Variants in TANC2 observed in about 807,000 individuals in gnomAD.
The protein encoded by TANC2 is tetratricopeptide repeat, ankyrin repeat and coiled-coil containing 2.
A neutral mutation model predicts 210.5 loss-of-function variants in TANC2; 26 were observed. The ratio of observed to expected loss-of-function variants is 0.12; its 90% CI spans 0.09 to 0.17. The LOEUF (loss-of-function observed/expected upper bound fraction) is 0.17, where lower values mean the gene tolerates loss of function less well. TANC2 is among the 10% of genes least tolerant of loss of function. The probability of loss-of-function intolerance (pLI) is 1.00; values close to 1 mark genes in which losing one functional copy is unlikely to be tolerated. For missense variants in TANC2, 2,129 were observed against 2,608.9 expected, an observed-to-expected ratio of 0.82 and a Z score of 4.01; for synonymous variants, 931 against 967.1, an observed-to-expected ratio of 0.96 and a Z score of 0.69.
intron 8 of TANC2, among the ~76,000 whole-genome samples, chr17:63,248,726 G>A (rs989639734): frequency 1.3e-5 from 2 of 152,056 alleles, no homozygotes; most frequent in African/African-American, 2.4e-5. Flanking sequence ...CTACTGGATT[G>A]AACTGTAATG....
At chr17:63,200,998 TC>T in intron 7 of TANC2, 41 bp downstream of exon 7, 1 of 1,543,702 alleles carries the variant, frequency 6.5e-7, no homozygotes, top group Non-Finnish European at 8.8e-7. Context: ...GTCCTTTTTT[TC>T]CTTTTTAAAA....
At chr17:63,339,632 C>T (rs185743256) in intron 11 of TANC2, among the ~76,000 whole-genome samples, 27 of 152,280 alleles carry the variant, frequency 1.8e-4, no homozygotes, top group Admixed American at 7.8e-4. Context: ...GTTTATAACA[C>T]ACCTGTAATC....
chr17:63,347,480 A>G lies in TANC2; in HGVS notation c.1808-3770A>G, dbSNP rs184094577. ...TTAAGATCTTTGTAATTCACTATAT[A>G]TAAATTTTGTTGCAATAATTTTTAA... On this transcript the variant is annotated intron_variant, in intron 12 of 27. Transcript: ENST00000689528. Among the ~76,000 whole-genome samples, 4 of 152,364 alleles carry G rather than the reference A, an allele frequency of 2.6e-5. No homozygotes were observed. The East Asian group carries it at 5.8e-4, about 22-fold the overall frequency.
At chr17:63,288,865 C>T (rs1411926108) in intron 9 of TANC2, among the ~76,000 whole-genome samples, 1 of 152,068 alleles carries the variant, frequency 6.6e-6, no homozygotes, top group Non-Finnish European at 1.5e-5. Flanking sequence ...CTTAACATTT[C>T]TTGCAAGGCA....
intron 3 of TANC2, among the ~76,000 whole-genome samples, chr17:63,078,285 T>C (rs1255226050): frequency 6.6e-6 from 1 of 152,160 alleles, no homozygotes; most frequent in Non-Finnish European, 1.5e-5. Context: ...TCATTTCTGA[T>C]ACTGGTAATT....
At chr17:63,044,235 T>A (rs2035295625) in intron 2 of TANC2, among the ~76,000 whole-genome samples, 1 of 152,174 alleles carries the variant, frequency 6.6e-6, no homozygotes, top group African/African-American at 2.4e-5. Flanking sequence ...CAGACAGATT[T>A]AGAATTTGAT....
chr17:63,063,782 T>C (rs1447256465), intron 2 of TANC2, among the ~76,000 whole-genome samples: 2 of 152,196 alleles, frequency 1.3e-5, no homozygotes, highest in South Asian at 2.1e-4. Flanking sequence ...CTCTCTGTTA[T>C]TGTTCTGATG....
chr17:63,071,981 G>T (rs2036413110), intron 2 of TANC2, among the ~76,000 whole-genome samples: 1 of 152,112 alleles, frequency 6.6e-6, no homozygotes, highest in African/African-American at 2.4e-5. Flanking sequence ...GTCACCATGA[G>T]TTTCAGTGTT....
intron 2 of TANC2, among the ~76,000 whole-genome samples, chr17:63,021,794 TA>T (rs2034358815): frequency 6.6e-6 from 1 of 152,210 alleles, no homozygotes; most frequent in Non-Finnish European, 1.5e-5. Flanking sequence ...AACAGAGCGT[TA>T]AGGGTAATTC....
At chr17:63,194,059 C>T in exon 6 of TANC2, 1 of 1,613,270 alleles carries the variant, frequency 6.2e-7, no homozygotes, top group Non-Finnish European at 8.5e-7. Flanking sequence ...CATGACTCGT[C>T]TGGGTTTCCT....
intron 7 of TANC2, among the ~76,000 whole-genome samples, chr17:63,204,605 A>AAAAG (rs150072382): frequency 1.3e-5 from 2 of 151,958 alleles, no homozygotes; most frequent in African/African-American, 2.4e-5. Flanking sequence ...TTCTAAAAAA[A>AAAAG]AAAGAAAGAA....
At chr17:63,406,718 G>C (rs753051660) in intron 21 of TANC2, among the ~76,000 whole-genome samples, 2 of 152,216 alleles carry the variant, frequency 1.3e-5, no homozygotes, top group Non-Finnish European at 2.9e-5. Context: ...TTACCCTGTA[G>C]TAATAAATTC....
chr17:63,117,597 C>T (rs976873918), intron 4 of TANC2, among the ~76,000 whole-genome samples: 16 of 152,176 alleles, frequency 1.1e-4, no homozygotes, highest in African/African-American at 3.4e-4. Context: ...TCACCTGTAA[C>T]GCACAGTAAG....
At chr17:63,393,981 A>G (rs1014351799) in intron 17 of TANC2, among the ~76,000 whole-genome samples, 1 of 152,040 alleles carries the variant, frequency 6.6e-6, no homozygotes, top group Admixed American at 6.5e-5. Flanking sequence ...CATGTTGGCC[A>G]GGCTGGTCTC....
At chr17:63,062,276 T>C (rs2036023000) in intron 2 of TANC2, among the ~76,000 whole-genome samples, 2 of 152,216 alleles carry the variant, frequency 1.3e-5, no homozygotes, top group Non-Finnish European at 2.9e-5. Flanking sequence ...GCTTTCTCTT[T>C]TGTTGTTTTT....
At position 63,314,457 on chromosome 17, in the gene TANC2, C is replaced by T. The variant is rs1308322956; in HGVS notation, c.1229C>T (p.Thr410Ile). ...CTGCTCTTTGAAGTGCCCAGCATCA[C>T]TACAGAGTCAGTGTTTGTTGGCCGA... Residue 410 changes from threonine to isoleucine, a missense_variant, in exon 10 of 28, where the codon ACT (threonine) becomes ATT (isoleucine). Thr to Ile is a moderately conservative substitution (Grantham distance 89). Coordinates refer to ENST00000689528, the Ensembl canonical transcript of TANC2. 6.2e-7 allele frequency: 1 copy of T among 1,613,942 alleles called. No homozygotes were observed. The highest frequency in any genetic ancestry group is 8.5e-7 in the Non-Finnish European group (1 of 1,179,862).
At chr17:63,353,971 T>C (rs2046702778) in intron 13 of TANC2, among the ~76,000 whole-genome samples, 1 of 151,912 alleles carries the variant, frequency 6.6e-6, no homozygotes. Flanking sequence ...AGGAAAGAAT[T>C]ATAGATAGCG....
Position 63,285,637 on chromosome 17 carries a change from A to AT in TANC2, c.1159+17766dup, listed in dbSNP as rs1350061028. ...GCCACATGGTGCAAGTCTGGAGGAA[A>AT]TTAGACACAAGCTTCCAAGTACCCT... On this transcript the variant is annotated intron_variant, in intron 9 of 27. Transcript: ENST00000689528. 3.9e-5 allele frequency among the ~76,000 whole-genome samples: 6 copies of AT among 152,336 alleles called. No homozygotes were observed. The South Asian group carries it at 1.2e-3, about 32-fold the overall frequency.
chr17:63,257,242 G>C (rs2043222328), intron 8 of TANC2, among the ~76,000 whole-genome samples: 5 of 151,332 alleles, frequency 3.3e-5, no homozygotes, highest in African/African-American at 1.2e-4. Flanking sequence ...TGCCCTCCTT[G>C]TTGTGAACGT....
Sources: allele counts gnomAD v4.1 joint callset (sites outside exome capture counted in the v4.1 genomes callset), GRCh38; gene constraint gnomAD v4.1.1; transcripts MANE v1.5; gene names NCBI Gene and HGNC (gene_info 2026-07-23, HGNC 2026-07-21).